The following SIPA1L1 variants were observed in gnomAD, a reference collection of about 807,000 sequenced individuals.
The protein encoded by SIPA1L1 is signal-induced proliferation-associated 1-like protein 1.
Under a neutral mutation model 162.7 loss-of-function variants are expected in SIPA1L1, and 26 were observed. The observed-to-expected ratio is 0.16, with a 90% CI of 0.12 to 0.22. The LOEUF (loss-of-function observed/expected upper bound fraction) is 0.22, where lower values mean the gene tolerates loss of function less well. Among genes scored for constraint, SIPA1L1 ranks in the 10% least tolerant of loss-of-function variants. The pLI is 1.00. For missense variants in SIPA1L1, 1,874 were observed against 2,241.0 expected (o/e 0.84, Z 3.31); for synonymous variants, 829 against 837.4 (o/e 0.99, Z 0.17).
chr14:71,479,336 G>GGTAGGTAT lies in SIPA1L1; in HGVS notation c.-464-33404_-464-33403insGGTATGTA, dbSNP rs145070704. The stretch of plus-strand genomic sequence containing the variant: ...CTTTTTCCATGTGTGTGTGTATGTA[G>GGTAGGTAT]GTATGTATGTATGTATGTATGTATG... On this transcript the variant is annotated intron_variant, in intron 2 of 23. Transcript: ENST00000381232. Among the ~76,000 whole-genome samples the GGTAGGTAT allele has an allele frequency of 5.7e-3, 852 of 148,328 alleles. 12 individuals are homozygous for GGTAGGTAT. The highest frequency in any genetic ancestry group is 0.02 in the African/African-American group (795 of 40,138).
At chr14:71,678,749 G>T (rs1044050578) in intron 12 of SIPA1L1, among the ~76,000 whole-genome samples, 3 of 151,798 alleles carry the variant, frequency 2.0e-5, no homozygotes, top group Non-Finnish European at 4.4e-5. Flanking sequence ...GTAGAATTCG[G>T]CTGTGAATCC....
chr14:71,424,974 T>C (rs902577335), intron 2 of SIPA1L1, among the ~76,000 whole-genome samples: 1 of 152,098 alleles, frequency 6.6e-6, no homozygotes, highest in Non-Finnish European at 1.5e-5. Flanking sequence ...TGTTTCTTCA[T>C]AATTTAATGT....
intron 3 of SIPA1L1, among the ~76,000 whole-genome samples, chr14:71,521,175 A>G (rs567628473): frequency 2.0e-4 from 31 of 152,342 alleles, no homozygotes; most frequent in African/African-American, 7.2e-4. Flanking sequence ...TTTTCTTTCC[A>G]ATGGCTAGGT....
intron 10 of SIPA1L1, among the ~76,000 whole-genome samples, chr14:71,669,659 A>G (rs1424749309): frequency 6.6e-6 from 1 of 152,164 alleles, no homozygotes; most frequent in South Asian, 2.1e-4. Context: ...TTCCTAATAC[A>G]TATTGGTATA....
intron 2 of SIPA1L1, among the ~76,000 whole-genome samples, chr14:71,492,933 G>A (rs1320729567): frequency 6.6e-6 from 1 of 151,718 alleles, no homozygotes; most frequent in Non-Finnish European, 1.5e-5. Context: ...GCCAGTAAAT[G>A]GCATTTTCAT....
At chr14:71,691,159 G>A (rs1444317618) in intron 13 of SIPA1L1, among the ~76,000 whole-genome samples, 1 of 152,162 alleles carries the variant, frequency 6.6e-6, no homozygotes, top group East Asian at 1.9e-4. Context: ...GTTGCCAACA[G>A]CCTCTAGGTA....
chr14:71,606,158 G>A (rs2037470315), intron 5 of SIPA1L1, among the ~76,000 whole-genome samples: 1 of 152,152 alleles, frequency 6.6e-6, no homozygotes, highest in Non-Finnish European at 1.5e-5. Context: ...TCCTGGGGGT[G>A]GCGGGATTGC....
intron 8 of SIPA1L1, among the ~76,000 whole-genome samples, chr14:71,651,546 A>G (rs573440917): frequency 1.3e-5 from 2 of 152,332 alleles, no homozygotes; most frequent in East Asian, 1.9e-4. Flanking sequence ...TTGCAACTGC[A>G]TAAAGATGTT....
At chr14:71,353,679 G>A (rs903304219) in intron 2 of SIPA1L1, among the ~76,000 whole-genome samples, 7 of 152,136 alleles carry the variant, frequency 4.6e-5, no homozygotes, top group Non-Finnish European at 1.0e-4. Flanking sequence ...ACCTGGTGGT[G>A]GCAATAAATG....
intron 2 of SIPA1L1, among the ~76,000 whole-genome samples, chr14:71,334,813 TTAAG>T (rs1186177938): frequency 6.6e-6 from 1 of 152,162 alleles, no homozygotes; most frequent in Non-Finnish European, 1.5e-5. Flanking sequence ...GTGAAATACA[TTAAG>T]TATGTATTTG....
At chr14:71,525,563 A>G (rs982057100) in intron 3 of SIPA1L1, among the ~76,000 whole-genome samples, 2 of 152,190 alleles carry the variant, frequency 1.3e-5, no homozygotes, top group Non-Finnish European at 2.9e-5. Context: ...ATAAGCCCAT[A>G]CAATAGAACG....
intron 22 of SIPA1L1, 135 bp downstream of exon 22, chr14:71,735,526 T>C: frequency 1.7e-6 from 1 of 576,576 alleles, no homozygotes; most frequent in Non-Finnish European, 3.1e-6. Context: ...ACACTTTACA[T>C]TTTAGTCAGA....
At chr14:71,514,445 A>G (rs1011189648) in intron 3 of SIPA1L1, among the ~76,000 whole-genome samples, 1 of 152,122 alleles carries the variant, frequency 6.6e-6, no homozygotes, top group Admixed American at 6.6e-5. Context: ...GCTTGAGGTT[A>G]TTCACCCACC....
At chr14:71,575,237 G>A (rs2032821291) in intron 4 of SIPA1L1, among the ~76,000 whole-genome samples, 1 of 151,954 alleles carries the variant, frequency 6.6e-6, no homozygotes, top group Non-Finnish European at 1.5e-5. Flanking sequence ...TTAAGTTGCT[G>A]CGGAACTGAC....
chr14:71,358,876 G>A (rs889696818), intron 2 of SIPA1L1, among the ~76,000 whole-genome samples: 6 of 152,140 alleles, frequency 3.9e-5, no homozygotes, highest in Non-Finnish European at 7.4e-5. Flanking sequence ...GATCTCGTGA[G>A]AACTTGAGAA....
chr14:71,503,459 A>G (rs769631012), intron 2 of SIPA1L1, among the ~76,000 whole-genome samples: 4 of 152,214 alleles, frequency 2.6e-5, no homozygotes, highest in Non-Finnish European at 4.4e-5. Flanking sequence ...GTAGTAGAAT[A>G]CATTTATTGG....
chr14:71,437,059 C>T (rs530803226), intron 2 of SIPA1L1, among the ~76,000 whole-genome samples: 25 of 151,968 alleles, frequency 1.6e-4, no homozygotes, highest in African/African-American at 5.3e-4. Context: ...CTGCTGCACC[C>T]GGCCAGCTTT....
chr14:71,657,319 G>C (rs1284444589), intron 8 of SIPA1L1, among the ~76,000 whole-genome samples: 2 of 142,734 alleles, frequency 1.4e-5, no homozygotes, highest in African/African-American at 5.3e-5. Context: ...TTGTACTCCA[G>C]CCTGGGCGAC....
intron 8 of SIPA1L1, 123 bp downstream of exon 8, chr14:71,650,632 G>A (rs2042541544): frequency 2.4e-6 from 2 of 836,020 alleles, no homozygotes; most frequent in South Asian, 3.3e-5. Context: ...TGATGGGGGA[G>A]AGAAAGCCAG....
Sources: allele counts gnomAD v4.1 joint callset (sites outside exome capture counted in the v4.1 genomes callset), GRCh38; gene constraint gnomAD v4.1.1; transcripts MANE v1.5; gene names NCBI Gene and HGNC (gene_info 2026-07-23, HGNC 2026-07-21).